Variants in MPP7 observed in about 807,000 individuals in gnomAD.
MPP7 encodes the protein MAGUK p55 subfamily member 7.
A neutral mutation model predicts 76.5 loss-of-function variants in MPP7; 60 were observed. The ratio of observed to expected loss-of-function variants is 0.78; its 90% CI spans 0.64 to 0.97. The LOEUF (loss-of-function observed/expected upper bound fraction) is 0.97, where lower values mean the gene tolerates loss of function less well. MPP7 is among the 50% of genes least tolerant of loss of function. MPP7 has a pLI of 0.00. For synonymous variants in MPP7, 237 were observed against 244.5 expected (o/e 0.97, Z 0.29); for missense variants, 641 against 694.0 (o/e 0.92, Z 0.86).
chr10:28,060,050 CT>C (rs60401724), intron 13 of MPP7, among the ~76,000 whole-genome samples: 19,646 of 137,540 alleles, frequency 0.14, 1,671 homozygotes, highest in East Asian at 0.5. Flanking sequence ...GGAAAAAAAC[CT>C]TTTTTTTTTT....
At chr10:28,270,532 A>AGGGG (rs71391026) in intron 1 of MPP7, among the ~76,000 whole-genome samples, 8 of 15,500 alleles carry the variant, frequency 5.2e-4, no homozygotes, top group Non-Finnish European at 7.2e-4. Flanking sequence ...AAAAAAAAAA[A>AGGGG]GGGGGGGGGG....
Position 28,175,031 on chromosome 10 carries a change from T to C in MPP7, c.157-24972A>G, listed in dbSNP as rs560138615. The stretch of plus-strand genomic sequence containing the variant: ...GAACATGGCTGAGCATGGTGGCTCA[T>C]GCCATCCCAGCACTTTGGGAGGCCG... On this transcript the variant is annotated intron_variant, in intron 3 of 16. Transcript: ENST00000683449. Among the ~76,000 whole-genome samples, 5 of 152,322 alleles carry C rather than the reference T, an allele frequency of 3.3e-5. No individual in the cohort carries two copies. In the East Asian group the frequency reaches 9.7e-4, roughly 29 times the overall value.
chr10:28,173,651 T>C (rs962910941), intron 3 of MPP7, among the ~76,000 whole-genome samples: 4 of 152,204 alleles, frequency 2.6e-5, no homozygotes, highest in Non-Finnish European at 5.9e-5. Flanking sequence ...TCCTCAACTA[T>C]TCCTTTGTAG....
rs941012356 is a variant in MPP7 at position 28,203,718 on chromosome 10, T to A, written c.38-1447A>T. 1.4e-4 allele frequency among the ~76,000 whole-genome samples: 22 copies of A among 152,152 alleles called. No individual in the cohort carries two copies. The Middle Eastern group carries it at 9.5e-3, about 66-fold the overall frequency. ...CAATGGCCAAGATCAGTGGTTAAGG[T>A]CGGAAGTCAAAATGTGAAATTATGT... On this transcript the variant is annotated intron_variant, in intron 2 of 16. Coordinates refer to ENST00000683449, the MANE Select transcript of MPP7 (RefSeq NM_001318170.2).
chr10:28,249,974 T>G (rs1285322243), intron 1 of MPP7, among the ~76,000 whole-genome samples: 1 of 151,454 alleles, frequency 6.6e-6, no homozygotes, highest in Non-Finnish European at 1.5e-5. Flanking sequence ...TGATTTAAAA[T>G]GTAATAGCAT....
intron 8 of MPP7, among the ~76,000 whole-genome samples, chr10:28,123,462 C>CTTTTTTTTT: frequency 1.1e-5 from 1 of 92,504 alleles, no homozygotes; most frequent in Non-Finnish European, 2.1e-5. Flanking sequence ...GTACTAAATT[C>CTTTTTTTTT]TTTTTTTTTT....
intron 3 of MPP7, among the ~76,000 whole-genome samples, chr10:28,168,473 T>G (rs1836563853): frequency 6.6e-6 from 1 of 152,128 alleles, no homozygotes; most frequent in East Asian, 1.9e-4. Context: ...GGTAAAATTT[T>G]CACACCAATT....
intron 1 of MPP7, among the ~76,000 whole-genome samples, chr10:28,289,841 C>T (rs142134449): frequency 6.6e-6 from 1 of 152,316 alleles, no homozygotes; most frequent in African/African-American, 2.4e-5. Flanking sequence ...CTCTTTGAGA[C>T]AGAGTCTCAT....
chr10:28,311,317 G>A (rs533153436), intron 2 of MPP7, among the ~76,000 whole-genome samples: 15 of 151,688 alleles, frequency 9.9e-5, no homozygotes, highest in African/African-American at 3.4e-4. Context: ...GCATACGGGT[G>A]TGAATGACAG....
intron 2 of MPP7, chr10:28,202,875 G>A: frequency 6.6e-6 from 1 of 152,012 alleles, no homozygotes; most frequent in East Asian, 1.9e-4. Context: ...ATTGGGGGAT[G>A]TAAAGCTTAT....
intron 3 of MPP7, among the ~76,000 whole-genome samples, chr10:28,153,989 G>A (rs1295892432): frequency 5.9e-5 from 9 of 152,232 alleles, no homozygotes; most frequent in South Asian, 2.1e-4. Context: ...AATACTGGGG[G>A]TGGGGAGAAG....
intron 3 of MPP7, among the ~76,000 whole-genome samples, chr10:28,175,382 T>C (rs1836825870): frequency 6.6e-6 from 1 of 151,912 alleles, no homozygotes; most frequent in South Asian, 2.1e-4. Flanking sequence ...GAAGTAGAGT[T>C]TGAAGTAAAG....
intron 3 of MPP7, among the ~76,000 whole-genome samples, chr10:28,181,101 T>G (rs79230413): frequency 0.029 from 4,395 of 152,330 alleles, 95 homozygotes; most frequent in Non-Finnish European, 0.047. Context: ...AATTTTACTT[T>G]TAGGTTCTTT....
intron 11 of MPP7, among the ~76,000 whole-genome samples, chr10:28,101,256 T>A (rs1489156898): frequency 6.6e-6 from 1 of 152,122 alleles, no homozygotes; most frequent in Non-Finnish European, 1.5e-5. Context: ...AAATATAATG[T>A]TTAGGAAAAA....
intron 11 of MPP7, among the ~76,000 whole-genome samples, chr10:28,091,287 CTT>C (rs57320934): frequency 0.25 from 35,686 of 143,602 alleles, 5,711 homozygotes; most frequent in East Asian, 0.85. Flanking sequence ...AAACAGATAA[CTT>C]TTTTTTTTTT....
intron 14 of MPP7, among the ~76,000 whole-genome samples, chr10:28,058,870 C>T (rs927261873): frequency 1.3e-5 from 2 of 152,104 alleles, no homozygotes; most frequent in East Asian, 1.9e-4. Context: ...TTTTCCATCA[C>T]CCCCTTTTTC....
chr10:28,097,681 A>G (rs1273264347), intron 11 of MPP7, among the ~76,000 whole-genome samples: 2 of 152,226 alleles, frequency 1.3e-5, no homozygotes, highest in Non-Finnish European at 2.9e-5. Context: ...AAAAATTAAC[A>G]AAGGACCAAC....
At chr10:28,164,286 C>A (rs78236200) in intron 3 of MPP7, among the ~76,000 whole-genome samples, 2 of 152,002 alleles carry the variant, frequency 1.3e-5, no homozygotes, top group African/African-American at 4.8e-5. Flanking sequence ...ATAGGAGACC[C>A]CGCAGATGCT....
chr10:28,191,203 T>G (rs1837400918), intron 3 of MPP7, among the ~76,000 whole-genome samples: 1 of 152,036 alleles, frequency 6.6e-6, no homozygotes, highest in African/African-American at 2.4e-5. Context: ...ACAAAACACT[T>G]AAGGGAGAAA....
Sources: gnomAD v4.1 joint callset for allele counts (sites outside exome capture counted in the v4.1 genomes callset) on GRCh38, gnomAD v4.1.1 for gene constraint, MANE v1.5 for transcripts, NCBI Gene and HGNC (gene_info 2026-07-23, HGNC 2026-07-21) for gene names.